The following XRN1 variants were observed in gnomAD, a reference collection of about 807,000 sequenced individuals.
The protein encoded by XRN1 is strand-exchange protein 1 homolog.
XRN1 carries 67 observed loss-of-function variants against 222.3 expected under a neutral mutation model. The observed-to-expected ratio is 0.30, with a 90% CI of 0.25 to 0.37. The LOEUF is 0.37. Among genes scored for constraint, XRN1 ranks in the 10% least tolerant of loss-of-function variants. The pLI is 1.00. For missense variants in XRN1, 1,707 were observed against 2,000.2 expected (o/e 0.85, Z 2.80); for synonymous variants, 643 against 652.4 (o/e 0.99, Z 0.22).
chr3:142,398,118 ATCTGTAG>A (rs1484692656), intron 19 of XRN1, among the ~76,000 whole-genome samples: 1 of 151,964 alleles, frequency 6.6e-6, no homozygotes, highest in African/African-American at 2.4e-5. Flanking sequence ...GGTAACACAT[ATCTGTAG>A]TCCCAGATAC....
chr3:142,321,591 C>T (rs891011304), intron 37 of XRN1, among the ~76,000 whole-genome samples: 43 of 152,188 alleles, frequency 2.8e-4, no homozygotes, highest in African/African-American at 9.2e-4. Context: ...ATTAAGTTTT[C>T]CAATCCACGA....
At chr3:142,319,213 T>G (rs552094977) in intron 37 of XRN1, among the ~76,000 whole-genome samples, 2 of 152,204 alleles carry the variant, frequency 1.3e-5, no homozygotes, top group Non-Finnish European at 2.9e-5. Flanking sequence ...AAATAAAGTC[T>G]TACTGGAACA....
rs1361070086 is a variant in XRN1, at chr3:142,308,658, A to G, written c.*2853T>C. On this transcript the variant is annotated 3_prime_UTR_variant, in exon 41 of 41. Coordinates refer to ENST00000392981, the MANE Select transcript of XRN1 (RefSeq NM_001282857.2). ...GCAGGAAAATGTGAAAAGGAACGAG[A>G]CTGGAAGGAGCAATCTTCAAAATTC... 6.6e-6 allele frequency: 1 copy of G among 152,194 alleles called. No individual in the cohort carries two copies. Among genetic ancestry groups the G allele is most frequent in the African/African-American group, 2.4e-5 (1 of 41,452 alleles). The allele number at this position is 152,194 out of a possible 1,614,324, so 9.4% of individuals were successfully genotyped here. A position where few individuals can be genotyped will look rare whatever the true frequency, so the allele number is the denominator to read the frequency against.
intron 37 of XRN1, among the ~76,000 whole-genome samples, chr3:142,325,786 T>C (rs2065498324): frequency 6.6e-6 from 1 of 152,178 alleles, no homozygotes. Context: ...TTCCAGCAGT[T>C]TAATAGCTAC....
At chr3:142,443,092 AACT>A (rs1457008693) in intron 1 of XRN1, among the ~76,000 whole-genome samples, 1 of 152,256 alleles carries the variant, frequency 6.6e-6, no homozygotes, top group African/African-American at 2.4e-5. Context: ...GAAGCTGTAA[AACT>A]ACAAATCGTT....
At position 142,355,457 on chromosome 3, in the gene XRN1, G is replaced by A. The variant is rs770547646; in HGVS notation, c.3712C>T (p.Gln1238Ter). The A allele has an allele frequency of 6.3e-7, 1 of 1,599,322 alleles. No individual in the cohort carries two copies. Among genetic ancestry groups the A allele is most frequent in the South Asian group, 1.1e-5 (1 of 88,220 alleles). ...ATCTTTCCAGATCCCTGTAAGGACT[G>A]CCAAATGTTGCAGAATTCATCATCA... ...KDDDEFCNIW[Q>*]SLQGSGKMQY... Residue 1238 changes from glutamine to a stop codon, truncating the protein, a stop_gained, in exon 32 of 41, where the codon CAG becomes TAG. Transcript: ENST00000392981. LOFTEE classifies it high-confidence loss of function.
intron 3 of XRN1, among the ~76,000 whole-genome samples, chr3:142,426,288 C>T (rs1443240502): frequency 1.3e-5 from 2 of 152,094 alleles, no homozygotes; most frequent in East Asian, 3.9e-4. Context: ...ATTCATTTTC[C>T]TTAAAGTCAT....
At position 142,311,420 on chromosome 3, in the gene XRN1, T is replaced by C; in HGVS notation, c.*91A>G. 8.2e-7 allele frequency: 1 copy of C among 1,223,184 alleles called. No individual in the cohort carries two copies. Among genetic ancestry groups the C allele is most frequent in the Non-Finnish European group, 1.1e-6 (1 of 899,450 alleles). The allele number at this position is 1,223,184 out of a possible 1,614,324, so 75.8% of individuals were successfully genotyped here. A position where few individuals can be genotyped will look rare whatever the true frequency, so the allele number is the denominator to read the frequency against. On this transcript the variant is annotated 3_prime_UTR_variant, in exon 41 of 41. Transcript: ENST00000392981. The stretch of plus-strand genomic sequence containing the variant: ...TCAATTTACACATATTATTTTAAAA[T>C]AGTACATTCTAATTTTTATGAGACA...
intron 2 of XRN1, among the ~76,000 whole-genome samples, chr3:142,427,424 C>A (rs1016175833): frequency 4.6e-5 from 7 of 151,858 alleles, no homozygotes; most frequent in African/African-American, 1.7e-4. Context: ...TAATTATTGT[C>A]ACAAATATAT....
At chr3:142,336,825 T>C (rs1316306111) in intron 33 of XRN1, among the ~76,000 whole-genome samples, 2 of 152,162 alleles carry the variant, frequency 1.3e-5, no homozygotes, top group East Asian at 1.9e-4. Context: ...AATATTAGTT[T>C]GGAGAAAAAT....
chr3:142,395,488 T>TG (rs2067894992), intron 20 of XRN1, among the ~76,000 whole-genome samples: 1 of 152,142 alleles, frequency 6.6e-6, no homozygotes, highest in African/African-American at 2.4e-5. Context: ...TTTGCTGCCC[T>TG]CATAGAAGTT....
chr3:142,357,113 T>A lies in XRN1; in HGVS notation c.3471A>T (p.Ser1157=). ...EFPGGLTIRC[S]PGRGYRLPTS... ...TTGGCAGTCGATAACCTCTACCAGG[T>A]GAGCATCTAAAAGTAAAAGTTATAT... Residue 1157 remains serine, a synonymous_variant, in exon 31 of 41, where the codon TCA becomes TCT. Coordinates refer to ENST00000392981, the MANE Select transcript of XRN1 (RefSeq NM_001282857.2). 1 of 1,608,336 alleles carries A rather than the reference T, an allele frequency of 6.2e-7. No individual in the cohort carries two copies. The highest frequency in any genetic ancestry group is 1.3e-5 in the African/African-American group (1 of 74,992).
Position 142,391,222 on chromosome 3 carries a change from T to C in XRN1, c.2339+6107A>G, listed in dbSNP as rs1475432118. Among the ~76,000 whole-genome samples the C allele has an allele frequency of 3.9e-5, 6 of 152,240 alleles. No homozygotes were observed. In the South Asian group the frequency reaches 1.0e-3, roughly 26 times the overall value. ...AACATGGTTGTCGCAAGCCTCTAAT[T>C]TGTAAAAAAAAATGCAACTATCTCT... On this transcript the variant is annotated intron_variant, in intron 20 of 40. Coordinates refer to ENST00000392981, the MANE Select transcript of XRN1 (RefSeq NM_001282857.2).
chr3:142,417,862 A>G (rs142604412), intron 12 of XRN1: 38 of 152,354 alleles, frequency 2.5e-4, no homozygotes, highest in African/African-American at 8.7e-4. Context: ...TAGTTTTTTA[A>G]TATGAAAAAT....
chr3:142,396,715 T>C (rs1036744595), intron 20 of XRN1, among the ~76,000 whole-genome samples: 24 of 152,344 alleles, frequency 1.6e-4, no homozygotes, highest in African/African-American at 5.8e-4. Context: ...GCTGATGGTA[T>C]ACATTTAAAA....
At chr3:142,383,237 G>C (rs1186101349) in intron 22 of XRN1, 63 bp downstream of exon 22, 1 of 1,236,212 alleles carries the variant, frequency 8.1e-7, no homozygotes, top group African/African-American at 1.5e-5. Flanking sequence ...CCTAAATGAA[G>C]AGAAGTTAAG....
At chr3:142,356,460 T>G (rs915609899) in intron 31 of XRN1, among the ~76,000 whole-genome samples, 5 of 152,234 alleles carry the variant, frequency 3.3e-5, no homozygotes, top group African/African-American at 1.2e-4. Flanking sequence ...ACTCAATTTT[T>G]GTCCCCAGAA....
At chr3:142,408,299 T>C (rs186127568) in intron 15 of XRN1, among the ~76,000 whole-genome samples, 1 of 152,320 alleles carries the variant, frequency 6.6e-6, no homozygotes, top group East Asian at 1.9e-4. Flanking sequence ...GAACCTGCCA[T>C]TGGCGCATCT....
chr3:142,425,271 T>A lies in XRN1; in HGVS notation c.578A>T (p.Asp193Val), dbSNP rs368412054. The A allele has an allele frequency of 1.2e-5, 19 of 1,607,436 alleles. No homozygotes were observed. In the African/African-American group the frequency reaches 2.4e-4, roughly 20 times the overall value. ...ACAGTGTCTGGTGTTTGGATCATGA[T>A]CTGGCTTTGCTTTCTCGGATCTGAT... ...EFIRSEKAKPDHDPNTRHCLY... is the reference protein window; with the variant it reads ...EFIRSEKAKPVHDPNTRHCLY... The change falls in exon 5 of 41, where the codon GAT (aspartate) becomes GTT (valine). Residue 193 changes from aspartate to valine, a missense_variant. By Grantham distance (152) the Asp-to-Val change is radical. This residue lies in a region of XRN1 where 1,234 missense variants were observed against 1,518.2 expected (regional missense o/e 0.81). Transcript: ENST00000392981.
Sources: allele counts gnomAD v4.1 joint callset (sites outside exome capture counted in the v4.1 genomes callset), GRCh38; gene constraint gnomAD v4.1.1; regional missense constraint gnomAD v4.1.1; transcripts MANE v1.5; gene names NCBI Gene and HGNC (gene_info 2026-07-23, HGNC 2026-07-21).